Variants in KCNC1 observed in about 807,000 individuals in gnomAD.
KCNC1 encodes potassium voltage-gated channel subfamily C member 1, also known as voltage-gated potassium channel KCNC1.
In KCNC1, 8 loss-of-function variants were observed where a neutral mutation model predicts 43.4. The ratio of observed to expected loss-of-function variants is 0.18; its 90% CI spans 0.11 to 0.33. KCNC1 has a LOEUF of 0.33. Ranked by LOEUF, KCNC1 falls within the 10% of genes least tolerant of loss-of-function variation. KCNC1 has a pLI of 1.00. For missense variants in KCNC1, 420 were observed against 836.0 expected, an observed-to-expected ratio of 0.50 and a Z score of 6.14; for synonymous variants, 361 against 360.5, an observed-to-expected ratio of 1.00 and a Z score of -0.01.
intron 1 of KCNC1, among the ~76,000 whole-genome samples, chr11:17,749,954 C>T (rs1344006181): frequency 6.6e-6 from 1 of 152,224 alleles, no homozygotes; most frequent in Non-Finnish European, 1.5e-5. Context: ...GTTCTGAGTG[C>T]CATGTGCAGG....
chr11:17,772,863 G>C (rs924793087), intron 2 of KCNC1: 9 of 1,314,956 alleles, frequency 6.8e-6, no homozygotes, highest in Non-Finnish European at 8.7e-6. Context: ...GAGACAACGC[G>C]GCCCGCCAGG....
chr11:17,774,230 T>C (rs1485711567), intron 2 of KCNC1: 2 of 985,364 alleles, frequency 2.0e-6, no homozygotes, highest in Non-Finnish European at 2.4e-6. Context: ...GCTAGTTACT[T>C]GATTTCAGGA....
At position 17,735,737 on chromosome 11, in the gene KCNC1, C is replaced by G; in HGVS notation, c.-266C>G. ...CCTCCCTTCTTTCCTCCTCTGCCTC[C>G]TCCGCTGCCGGACCAGCTCCCTCCC... On this transcript the variant is annotated 5_prime_UTR_variant, in exon 1 of 4. Transcript: ENST00000265969. This position sits in a 1 kb window ranked among gnomAD's most constrained non-coding sequence, Gnocchi z 6.7. 3.4e-6 allele frequency: 1 copy of G among 290,868 alleles called. No homozygotes were observed. Among genetic ancestry groups the G allele is most frequent in the East Asian group, 5.7e-5 (1 of 17,616 alleles). 18.0% of individuals were successfully genotyped at this position (290,868 alleles called of 1,614,324 possible).
Position 17,736,711 on chromosome 11 carries a change from C to A in KCNC1, c.570+139C>A. On this transcript the variant is annotated intron_variant, in intron 1 of 3. Coordinates refer to ENST00000265969, the MANE Select transcript of KCNC1 (RefSeq NM_001112741.2). This position sits in a 1 kb window ranked among gnomAD's most constrained non-coding sequence, Gnocchi z 9.3. ...GGGTGTGTGCGCATGTGTGCACGTA[C>A]CAGGGTAAGAGAGGAAGGGTGTCCG... The A allele has an allele frequency of 1.4e-6, 2 of 1,381,808 alleles. No homozygotes were observed. Among genetic ancestry groups the A allele is most frequent in the South Asian group, 3.1e-5 (2 of 64,618 alleles). 85.6% of individuals were successfully genotyped at this position (1,381,808 alleles called of 1,614,324 possible).
At chr11:17,744,597 G>C (rs771461207) in intron 1 of KCNC1, among the ~76,000 whole-genome samples, 3 of 152,106 alleles carry the variant, frequency 2.0e-5, no homozygotes, top group African/African-American at 7.2e-5. Context: ...CCTTCTCTTC[G>C]CTTCCTGCCC....
chr11:17,772,901 AG>A, intron 2 of KCNC1: 4 of 1,242,942 alleles, frequency 3.2e-6, no homozygotes, highest in Admixed American at 4.0e-5. Context: ...AGCAGGAGCC[AG>A]GGGGGCTCTG....
Position 17,736,918 on chromosome 11 carries a change from A to T in KCNC1, c.570+346A>T, listed in dbSNP as rs1848774203. 6.6e-6 allele frequency among the ~76,000 whole-genome samples: 1 copy of T among 152,122 alleles called. No homozygotes were observed. Among genetic ancestry groups the T allele is most frequent in the Non-Finnish European group, 1.5e-5 (1 of 68,016 alleles). On this transcript the variant is annotated intron_variant, in intron 1 of 3. Transcript: ENST00000265969. This position sits in a 1 kb window ranked among gnomAD's most constrained non-coding sequence, Gnocchi z 9.3. ...ATGAGTGAGCATGTGTGTATGTTCG[A>T]GTGTGCATGAGCGCCTGCCCGTGAA...
In KCNC1 at chr11:17,781,026, GC is replaced by G. The variant is rs1156314398; in HGVS notation, c.1694-641del. ...GTGCTAGAATGCCCAGAAGCAGAAT[GC>G]CCGAGGAGTGAGGGGAAAAGCAGGT... On this transcript the variant is annotated intron_variant, in intron 3 of 3. Transcript: ENST00000265969. The surrounding 1 kb of genome is among the most constrained non-coding windows in gnomAD (Gnocchi z 5.1). 1 of 152,236 alleles carries G rather than the reference GC, an allele frequency of 6.6e-6. No homozygotes were observed. Among genetic ancestry groups the G allele is most frequent in the East Asian group, 1.9e-4 (1 of 5,180 alleles). The allele number at this position is 152,236 out of a possible 1,614,324, so 9.4% of individuals were successfully genotyped here.
intron 1 of KCNC1, among the ~76,000 whole-genome samples, chr11:17,747,443 T>C (rs1237216633): frequency 1.3e-5 from 2 of 152,152 alleles, no homozygotes; most frequent in African/African-American, 4.8e-5. Context: ...TGCCGACAAG[T>C]GTGCCAGTGT....
chr11:17,774,703 C>T (rs1039019337), intron 2 of KCNC1: 8 of 985,374 alleles, frequency 8.1e-6, no homozygotes, highest in African/African-American at 1.7e-5. Context: ...ACAGTTCTGG[C>T]TTGGACAGTC....
intron 1 of KCNC1, among the ~76,000 whole-genome samples, chr11:17,768,621 G>T (rs540288220): frequency 4.6e-5 from 7 of 151,766 alleles, no homozygotes; most frequent in South Asian, 2.1e-4. Context: ...GTGGGGGGGG[G>T]GGCGGTTTGG....
intron 1 of KCNC1, among the ~76,000 whole-genome samples, chr11:17,758,795 A>G (rs1164534427): frequency 6.6e-6 from 1 of 152,244 alleles, no homozygotes; most frequent in African/African-American, 2.4e-5. Context: ...TAGATGTGCT[A>G]TCATCCAGGC....
Position 17,736,525 on chromosome 11 carries a change from C to G in KCNC1, c.523C>G (p.Arg175Gly). The G allele has an allele frequency of 6.3e-7, 1 of 1,581,538 alleles. No individual in the cohort carries two copies. Among genetic ancestry groups the G allele is most frequent in the South Asian group, 1.1e-5 (1 of 88,510 alleles). ...PGGFWRRWQPRIWALFEDPYS... is the reference protein window; with the variant it reads ...PGGFWRRWQPGIWALFEDPYS... The stretch of plus-strand genomic sequence containing the variant: ...CGGCTTTTGGCGCCGCTGGCAGCCG[C>G]GCATCTGGGCGCTCTTCGAGGACCC... Residue 175 changes from arginine (R) to glycine (G), a missense_variant, in exon 1 of 4, where the codon CGC becomes GGC. Around this residue, in one of 5 missense-constraint regions of KCNC1, gnomAD observed 151 missense variants for 216.7 expected, o/e 0.70. Transcript: ENST00000265969. The surrounding 1 kb of genome is among the most constrained non-coding windows in gnomAD (Gnocchi z 9.3).
intron 1 of KCNC1, among the ~76,000 whole-genome samples, chr11:17,747,774 C>G (rs764744901): frequency 1.3e-5 from 2 of 152,196 alleles, no homozygotes; most frequent in African/African-American, 2.4e-5. Flanking sequence ...TCTCAAGCCT[C>G]TGCAGGGCGT....
rs926271242 is a variant in KCNC1, at chr11:17,775,884, G to T, written c.1504+3286G>T. The T allele has an allele frequency of 4.1e-6, 4 of 985,398 alleles. No individual in the cohort carries two copies. The African/African-American group carries it at 7.0e-5, about 17-fold the overall frequency. The allele number at this position is 985,398 out of a possible 1,614,324, so 61.0% of individuals were successfully genotyped here. ...CTGGGAGCTAACCTTGCAGCCTCTG[G>T]GTTATCTTTGGCAAAGGGGTCTAAA... On this transcript the variant is annotated intron_variant, in intron 2 of 3. Transcript: ENST00000265969.
rs866079674 is a variant in KCNC1, at chr11:17,742,173, T to G, written c.570+5601T>G. Among the ~76,000 whole-genome samples the G allele has an allele frequency of 5.9e-5, 9 of 152,314 alleles. No individual in the cohort carries two copies. The highest frequency in any genetic ancestry group is 2.2e-4 in the African/African-American group (9 of 41,560). ...GAGGGCTGGCTGGGAAACTCGTATC[T>G]CCTGACTCCTGGCTCACAGGTGCTT... On this transcript the variant is annotated intron_variant, in intron 1 of 3. Coordinates refer to ENST00000265969, the MANE Select transcript of KCNC1 (RefSeq NM_001112741.2). The surrounding 1 kb of genome is among the most constrained non-coding windows in gnomAD (Gnocchi z 4.2).
At position 17,773,848 on chromosome 11, in the gene KCNC1, G is replaced by A. The variant is rs988887207; in HGVS notation, c.1504+1250G>A. On this transcript the variant is annotated intron_variant, in intron 2 of 3. Transcript: ENST00000265969. This position sits in a 1 kb window ranked among gnomAD's most constrained non-coding sequence, Gnocchi z 4.1. The stretch of plus-strand genomic sequence containing the variant: ...AGTGCCAGGTGAGCAGGAGGTTGAC[G>A]TGACAGGTGGCATTTAGTCTATGAA... The A allele has an allele frequency of 1.5e-5, 15 of 985,388 alleles. No homozygotes were observed. The highest frequency in any genetic ancestry group is 1.6e-5 in the Non-Finnish European group (13 of 829,964). 61.0% of individuals were successfully genotyped at this position (985,388 alleles called of 1,614,324 possible). A position where few individuals can be genotyped will look rare whatever the true frequency, so the allele number is the denominator to read the frequency against.
At position 17,776,309 on chromosome 11, in the gene KCNC1, G is replaced by A. The variant is rs944525413; in HGVS notation, c.1505-3147G>A. 1.0e-6 allele frequency: 1 copy of A among 985,096 alleles called. No homozygotes were observed. The highest frequency in any genetic ancestry group is 1.7e-5 in the African/African-American group (1 of 57,150). 61.0% of individuals were successfully genotyped at this position (985,096 alleles called of 1,614,324 possible). ...CTCACAGACTGTCCCCATTTAGCCT[G>A]AGACTTTTTTCCTGAGTCCCCAGCT... is the stretch of plus-strand genomic sequence containing the variant. On this transcript the variant is annotated intron_variant, in intron 2 of 3. Coordinates refer to ENST00000265969, the MANE Select transcript of KCNC1 (RefSeq NM_001112741.2). The surrounding 1 kb of genome is among the most constrained non-coding windows in gnomAD (Gnocchi z 4.4).
At chr11:17,766,947 C>T (rs1364996540) in intron 1 of KCNC1, among the ~76,000 whole-genome samples, 2 of 139,234 alleles carry the variant, frequency 1.4e-5, no homozygotes, top group Admixed American at 7.8e-5. Flanking sequence ...TGGCGAAACC[C>T]CATCTCTACT....
Sources: allele counts gnomAD v4.1 joint callset (sites outside exome capture counted in the v4.1 genomes callset), GRCh38; gene constraint gnomAD v4.1.1; regional missense constraint gnomAD v4.1.1; non-coding constraint Gnocchi (gnomAD v3.1); transcripts MANE v1.5; gene names NCBI Gene and HGNC (gene_info 2026-07-23, HGNC 2026-07-21).